Variants in PGAM5 observed in about 807,000 individuals in gnomAD.
PGAM5 encodes serine/threonine-protein phosphatase PGAM5, mitochondrial.
PGAM5 carries 25 observed loss-of-function variants against 30.6 expected under a neutral mutation model. That is an observed-to-expected ratio of 0.82 (90% CI 0.60 to 1.14). The LOEUF (loss-of-function observed/expected upper bound fraction) is 1.14. PGAM5 is among the 50% of genes most tolerant of loss of function. The probability of loss-of-function intolerance (pLI) is 0.00; values close to 1 mark genes in which losing one functional copy is unlikely to be tolerated. For synonymous variants in PGAM5, 201 were observed against 179.1 expected (o/e 1.12, Z -0.98); for missense variants, 384 against 408.5 (o/e 0.94, Z 0.52).
intron 2 of PGAM5, among the ~76,000 whole-genome samples, chr12:132,715,848 T>C (rs10870497): frequency 0.13 from 19,976 of 151,526 alleles, 2,020 homozygotes; most frequent in East Asian, 0.53. Flanking sequence ...CACTGCACTC[T>C]AGCCTAGGTA....
At chr12:132,716,051 G>A (rs936084016) in intron 2 of PGAM5, among the ~76,000 whole-genome samples, 4 of 151,980 alleles carry the variant, frequency 2.6e-5, no homozygotes, top group Admixed American at 2.0e-4. Flanking sequence ...GCTTCTCTGC[G>A]GCCTGTGGCA....
Position 132,720,952 on chromosome 12 carries a change from C to T in PGAM5, c.*124C>T, listed in dbSNP as rs779593146. ...GCTGCATCTGGGAACTGACTTGTGA[C>T]CAGGCTGAGAAGGGGAGAGTTGGGA... is the stretch of plus-strand genomic sequence containing the variant. On this transcript the variant is annotated 3_prime_UTR_variant, in exon 6 of 6. Transcript: ENST00000498926. 5 of 1,240,152 alleles carry T rather than the reference C, an allele frequency of 4.0e-6. No homozygotes were observed. Among genetic ancestry groups the T allele is most frequent in the Non-Finnish European group, 5.5e-6 (5 of 916,676 alleles). 76.8% of individuals were successfully genotyped at this position (1,240,152 alleles called of 1,614,324 possible).
Position 132,717,508 on chromosome 12 carries a change from A to T in PGAM5, c.440A>T (p.His147Leu). ...SLGLKFNKIV[H>L]SSMTRAIETT... is the part of the protein sequence containing the mutation. The stretch of plus-strand genomic sequence containing the variant: ...GGGTTGAAGTTTAATAAAATCGTCC[A>T]TTCGTCTATGACGCGCGCCATAGAG... Residue 147 changes from histidine to leucine, a missense_variant, in exon 3 of 6, where the codon CAT becomes CTT. His to Leu is a moderately conservative substitution (Grantham distance 99, BLOSUM62 -3). Transcript: ENST00000498926. 1 of 1,611,008 alleles carries T rather than the reference A, an allele frequency of 6.2e-7. No individual in the cohort carries two copies. Among genetic ancestry groups the T allele is most frequent in the Non-Finnish European group, 8.5e-7 (1 of 1,179,920 alleles).
intron 1 of PGAM5, 132 bp from the exon 2 acceptor site, chr12:132,714,726 G>T (rs895232273): frequency 2.0e-6 from 2 of 977,128 alleles, no homozygotes; most frequent in African/African-American, 3.3e-5. Context: ...CCTCCCCAGG[G>T]CTGTGCCAAG....
chr12:132,714,738 G>A (rs992064334), intron 1 of PGAM5, 120 bp from the exon 2 acceptor site: 1 of 1,152,268 alleles, frequency 8.7e-7, no homozygotes, highest in African/African-American at 1.5e-5. Flanking sequence ...TGTGCCAAGG[G>A]CCTTGTCTTC....
At position 132,717,435 on chromosome 12, in the gene PGAM5, C is replaced by G; in HGVS notation, c.371-4C>G. ...GCGGCACTCAGGTGCCTTTCACCTT[C>G]CAGGTCGGGAGCAGGCTGAACTCAC... On this transcript the variant is annotated splice_region_variant and splice_polypyrimidine_tract_variant and intron_variant, in intron 2 of 5. Coordinates refer to ENST00000498926, the MANE Select transcript of PGAM5 (RefSeq NM_001170543.2). 1.2e-6 allele frequency: 2 copies of G among 1,604,830 alleles called. No homozygotes were observed. The highest frequency in any genetic ancestry group is 2.2e-5 in the East Asian group (1 of 44,550).
chr12:132,714,691 G>T, intron 1 of PGAM5, 167 bp from the exon 2 acceptor site: 1 of 675,262 alleles, frequency 1.5e-6, no homozygotes, highest in Non-Finnish European at 2.5e-6. Context: ...TTGTGGGAGG[G>T]AGAGTGGCGG....
intron 2 of PGAM5, among the ~76,000 whole-genome samples, chr12:132,715,362 G>C (rs1158219929): frequency 6.6e-6 from 1 of 151,484 alleles, no homozygotes; most frequent in Non-Finnish European, 1.5e-5. Flanking sequence ...CCTGAGGTCA[G>C]GAATTCGAGA....
rs2043658078 is a variant in PGAM5 at position 132,722,648 on chromosome 12, G to A, written c.*1820G>A. 6.6e-6 allele frequency: 1 copy of A among 152,202 alleles called. No individual in the cohort carries two copies. The highest frequency in any genetic ancestry group is 1.5e-5 in the Non-Finnish European group (1 of 68,040). 9.4% of individuals were successfully genotyped at this position (152,202 alleles called of 1,614,324 possible). On this transcript the variant is annotated 3_prime_UTR_variant, in exon 6 of 6. Transcript: ENST00000498926. ...GAAGTGGTTGTGACTATTTTCTGTA[G>A]TCAATACAGTTGGGATATCTGATCT...
chr12:132,715,570 C>CAA lies in PGAM5; in HGVS notation c.370+547_370+548dup, dbSNP rs571746042. Among the ~76,000 whole-genome samples the CAA allele has an allele frequency of 1.7e-3, 212 of 122,344 alleles. 7 individuals carry two copies. The highest frequency in any genetic ancestry group is 5.0e-3 in the Middle Eastern group (1 of 200). 80.3% of individuals were successfully genotyped at this position (122,344 alleles called of 152,430 possible). ...TGGGCGACAGAGCGAGACTCCGTCTCAAAAAAAAAAAAAATGTCCTTACCT... is the reference window on the plus strand; with the variant it reads ...TGGGCGACAGAGCGAGACTCCGTCTCAAAAAAAAAAAAAAAATGTCCTTACCT... On this transcript the variant is annotated intron_variant, in intron 2 of 5. Coordinates refer to ENST00000498926, the MANE Select transcript of PGAM5 (RefSeq NM_001170543.2).
rs2043597466 is a variant in PGAM5 at position 132,717,796 on chromosome 12, G to A, written c.583G>A (p.Val195Met). The A allele has an allele frequency of 1.3e-6, 2 of 1,585,080 alleles. No individual in the cohort carries two copies. Among genetic ancestry groups the A allele is most frequent in the South Asian group, 1.1e-5 (1 of 88,006 alleles). ...PPVSHWKPEAVQYYEDGARIE... is the reference protein window; with the variant it reads ...PPVSHWKPEAMQYYEDGARIE... Reference sequence around the variant, plus strand: ...CGTGTCTCATTGGAAGCCGGAAGCTGTGGTAAAAACCTCCCCGGGGGGCAG... The same window carrying A: ...CGTGTCTCATTGGAAGCCGGAAGCTATGGTAAAAACCTCCCCGGGGGGCAG... Residue 195 changes from valine (V) to methionine (M), a missense_variant and splice_region_variant, in exon 4 of 6, where the codon GTG (valine) becomes ATG (methionine). By Grantham distance (21) the Val-to-Met change is conservative. Coordinates refer to ENST00000498926, the MANE Select transcript of PGAM5 (RefSeq NM_001170543.2).
Position 132,717,541 on chromosome 12 carries a change from A to C in PGAM5, c.473A>C (p.Asp158Ala), listed in dbSNP as rs374753399. ...SSMTRAIETTDIISRHLPGVC... is the reference protein window; with the variant it reads ...SSMTRAIETTAIISRHLPGVC... ...ATGACGCGCGCCATAGAGACCACCG[A>C]TATCATCAGCCGGCACCTGCCAGGT... Residue 158 changes from aspartate (D) to alanine (A), a missense_variant, in exon 3 of 6, where the codon GAT (aspartate) becomes GCT (alanine). Physicochemically the swap from Asp to Ala is moderately radical, Grantham distance 126 (BLOSUM62 -2). Transcript: ENST00000498926. 672 of 1,610,818 alleles carry C rather than the reference A, an allele frequency of 4.2e-4. 12 individuals carry two copies. In the South Asian group the frequency reaches 4.7e-3, roughly 11 times the overall value.
rs932776949 is a variant in PGAM5, at chr12:132,722,678, C to CTCTG, written c.*1854_*1857dup. 6.6e-6 allele frequency: 1 copy of CTCTG among 152,192 alleles called. No homozygotes were observed. Among genetic ancestry groups the CTCTG allele is most frequent in the Non-Finnish European group, 1.5e-5 (1 of 68,020 alleles). 9.4% of individuals were successfully genotyped at this position (152,192 alleles called of 1,614,324 possible). Reference sequence around the variant, plus strand: ...TACAGTTGGGATATCTGATCTATTTCTCTGTCTACTTTGGAAATGATTGCA... The same window carrying CTCTG: ...TACAGTTGGGATATCTGATCTATTTCTCTGTCTGTCTACTTTGGAAATGATTGCA... On this transcript the variant is annotated 3_prime_UTR_variant, in exon 6 of 6. Coordinates refer to ENST00000498926, the MANE Select transcript of PGAM5 (RefSeq NM_001170543.2).
Position 132,710,934 on chromosome 12 carries a change from G to A in PGAM5, c.58G>A (p.Ala20Thr). 1.7e-6 allele frequency: 2 copies of A among 1,167,288 alleles called. No homozygotes were observed. Among genetic ancestry groups the A allele is most frequent in the Non-Finnish European group, 2.1e-6 (2 of 947,610 alleles). 72.3% of individuals were successfully genotyped at this position (1,167,288 alleles called of 1,614,324 possible). ...AACGLAGGSAAVLFSAVAVGK... is the reference protein window; with the variant it reads ...AACGLAGGSATVLFSAVAVGK... ...CTGCGGGCTGGCCGGGGGCTCGGCC[G>A]CCGTGCTCTTCTCGGCCGTGGCGGT... The change falls in exon 1 of 6, where the codon GCC becomes ACC. Residue 20 changes from alanine to threonine, a missense_variant. Coordinates refer to ENST00000498926, the MANE Select transcript of PGAM5 (RefSeq NM_001170543.2).
chr12:132,717,309 AG>A (rs2043588327), intron 2 of PGAM5, 129 bp from the exon 3 acceptor site: 2 of 881,680 alleles, frequency 2.3e-6, no homozygotes, highest in Non-Finnish European at 3.1e-6. Flanking sequence ...CGGGCGGAGG[AG>A]GGGGTGTTTG....
intron 1 of PGAM5, among the ~76,000 whole-genome samples, chr12:132,714,456 C>T (rs1167162955): frequency 6.6e-6 from 1 of 152,234 alleles, no homozygotes; most frequent in Non-Finnish European, 1.5e-5. Context: ...GCTGAAGCAT[C>T]ATGGTCAGGG....
chr12:132,717,374 G>A (rs1565999472), intron 2 of PGAM5, 65 bp from the exon 3 acceptor site: 2 of 1,544,876 alleles, frequency 1.3e-6, no homozygotes, highest in Non-Finnish European at 1.7e-6. Context: ...GCGGGCGGAG[G>A]AGGGGGTGTT....
intron 5 of PGAM5, chr12:132,719,082 T>TG (rs1315435286): frequency 3.6e-6 from 5 of 1,403,350 alleles, no homozygotes; most frequent in Non-Finnish European, 3.7e-6. Context: ...GAGGGCCCCT[T>TG]GGGGGGCAGG....
chr12:132,713,285 A>G (rs2043539660), intron 1 of PGAM5, among the ~76,000 whole-genome samples: 1 of 152,206 alleles, frequency 6.6e-6, no homozygotes, highest in African/African-American at 2.4e-5. Flanking sequence ...GGGTTGGGAA[A>G]GACTTATACA....
Sources: gnomAD v4.1 joint callset for allele counts (sites outside exome capture counted in the v4.1 genomes callset) on GRCh38, gnomAD v4.1.1 for gene constraint, MANE v1.5 for transcripts, NCBI Gene and HGNC (gene_info 2026-07-23, HGNC 2026-07-21) for gene names.